The following HECTD2 variants were observed in gnomAD, a reference collection of about 807,000 sequenced individuals.
HECTD2 encodes the protein probable E3 ubiquitin-protein ligase HECTD2.
HECTD2 carries 35 observed loss-of-function variants against 103.2 expected under a neutral mutation model. That is an observed-to-expected ratio of 0.34 (90% CI 0.26 to 0.45). The LOEUF is 0.45. Among genes scored for constraint, HECTD2 ranks in the 20% least tolerant of loss-of-function variants. The probability of loss-of-function intolerance (pLI) is 1.00; values close to 1 mark genes in which losing one functional copy is unlikely to be tolerated. For synonymous variants in HECTD2, 281 were observed against 329.9 expected, an observed-to-expected ratio of 0.85 and a Z score of 1.61; for missense variants, 596 against 937.4, an observed-to-expected ratio of 0.64 and a Z score of 4.76.
rs1426344840 is a variant in HECTD2 at position 91,512,325 on chromosome 10, G to C, written c.2272G>C (p.Asp758His). 1 of 1,613,420 alleles carries C rather than the reference G, an allele frequency of 6.2e-7. No individual in the cohort carries two copies. The highest frequency in any genetic ancestry group is 8.5e-7 in the Non-Finnish European group (1 of 1,179,694). The change falls in exon 21 of 21, where the codon GAT becomes CAT. Residue 758 changes from aspartate to histidine, a missense_variant. Physicochemically the swap from Asp to His is moderately conservative, Grantham distance 81. This residue lies in a region of HECTD2 where 69 missense variants were observed against 153.8 expected (regional missense o/e 0.45). Transcript: ENST00000298068. ...LCLPPYKSKK[D>H]LKQKLIIGIS... ...CCTTCCCCCCTACAAGAGCAAAAAG[G>C]ATCTGAAACAGAAATTGATCATTGG...
intron 20 of HECTD2, among the ~76,000 whole-genome samples, chr10:91,508,804 G>T (rs1001275804): frequency 2.0e-5 from 3 of 151,872 alleles, no homozygotes; most frequent in African/African-American, 7.3e-5. Flanking sequence ...AAATCATGCT[G>T]CTATAAAGAC....
In HECTD2 at chr10:91,513,432, T is replaced by TA. The variant is rs1338180970; in HGVS notation, c.*1053dup. 6.6e-6 allele frequency: 1 copy of TA among 152,624 alleles called. No individual in the cohort carries two copies. Among genetic ancestry groups the TA allele is most frequent in the Non-Finnish European group, 1.5e-5 (1 of 68,022 alleles). The allele number at this position is 152,624 out of a possible 1,614,324, so 9.5% of individuals were successfully genotyped here. ...TGTGTCAAAATGATATAGCTTAGTA[T>TA]AAAAATAAAATTCAACGTTTTGGCC... On this transcript the variant is annotated 3_prime_UTR_variant, in exon 21 of 21. Coordinates refer to ENST00000298068, the MANE Select transcript of HECTD2 (RefSeq NM_182765.6).
intron 8 of HECTD2, among the ~76,000 whole-genome samples, chr10:91,483,830 G>T (rs1846176470): frequency 6.6e-6 from 1 of 151,760 alleles, no homozygotes; most frequent in Non-Finnish European, 1.5e-5. Flanking sequence ...TCATTTAATA[G>T]AAGTCATTGA....
intron 1 of HECTD2, among the ~76,000 whole-genome samples, chr10:91,422,225 G>C (rs922200041): frequency 5.9e-5 from 9 of 152,018 alleles, no homozygotes; most frequent in Non-Finnish European, 1.2e-4. Context: ...GTCATATCTT[G>C]CTGGACCATT....
chr10:91,504,066 C>T (rs1290692762), intron 20 of HECTD2, among the ~76,000 whole-genome samples: 1 of 152,124 alleles, frequency 6.6e-6, no homozygotes, highest in African/African-American at 2.4e-5. Context: ...ACCTGAGGGT[C>T]CTGTCTGTTA....
intron 2 of HECTD2, among the ~76,000 whole-genome samples, chr10:91,454,780 T>C (rs939826002): frequency 1.9e-4 from 29 of 152,050 alleles, no homozygotes; most frequent in African/African-American, 6.8e-4. Context: ...CCAAGTGTTC[T>C]CATTGTTCAA....
intron 5 of HECTD2, among the ~76,000 whole-genome samples, chr10:91,472,974 T>G (rs756500942): frequency 6.6e-6 from 1 of 152,142 alleles, no homozygotes; most frequent in Non-Finnish European, 1.5e-5. Flanking sequence ...ACTATAAAAA[T>G]AATAAAGATG....
intron 20 of HECTD2, among the ~76,000 whole-genome samples, chr10:91,503,238 A>ATTG (rs1402194631): frequency 1.3e-5 from 2 of 152,204 alleles, no homozygotes; most frequent in African/African-American, 4.8e-5. Context: ...CAGAATGGCT[A>ATTG]TTGTTATATT....
intron 2 of HECTD2, among the ~76,000 whole-genome samples, chr10:91,451,940 A>G (rs1244102065): frequency 6.6e-6 from 1 of 152,138 alleles, no homozygotes; most frequent in Non-Finnish European, 1.5e-5. Context: ...CTTAAAATCT[A>G]TAAGATATTA....
At chr10:91,464,973 A>G (rs184662173) in intron 5 of HECTD2, among the ~76,000 whole-genome samples, 32 of 152,290 alleles carry the variant, frequency 2.1e-4, no homozygotes, top group African/African-American at 7.0e-4. Context: ...AATGAACACT[A>G]TAACCATATT....
At chr10:91,416,344 GATT>G (rs1843126779) in intron 1 of HECTD2, among the ~76,000 whole-genome samples, 1 of 152,210 alleles carries the variant, frequency 6.6e-6, no homozygotes, top group Non-Finnish European at 1.5e-5. Context: ...TGTTAGATGA[GATT>G]ATTAAAGTCG....
chr10:91,469,758 A>G (rs1845658161), intron 5 of HECTD2, among the ~76,000 whole-genome samples: 2 of 152,204 alleles, frequency 1.3e-5, no homozygotes, highest in Non-Finnish European at 2.9e-5. Flanking sequence ...CTAAATGTCT[A>G]CTTAAAAGGC....
chr10:91,420,292 AAAAG>A (rs1229861931), intron 1 of HECTD2, among the ~76,000 whole-genome samples: 1 of 151,992 alleles, frequency 6.6e-6, no homozygotes, highest in African/African-American at 2.4e-5. Context: ...AAAAAAAAAA[AAAAG>A]AAAATCAGGC....
At position 91,460,574 on chromosome 10, in the gene HECTD2, C is replaced by T; in HGVS notation, c.407+9C>T. ...ACTGTGAAAGACTTTCAGTAAGTTT[C>T]AGCTATTATATGTAAATGTATAGTC... is the stretch of plus-strand genomic sequence containing the variant. On this transcript the variant is annotated intron_variant, in intron 3 of 20. Coordinates refer to ENST00000298068, the MANE Select transcript of HECTD2 (RefSeq NM_182765.6). The T allele has an allele frequency of 6.2e-7, 1 of 1,604,564 alleles. No individual in the cohort carries two copies. Among genetic ancestry groups the T allele is most frequent in the Non-Finnish European group, 8.5e-7 (1 of 1,176,596 alleles).
intron 2 of HECTD2, among the ~76,000 whole-genome samples, chr10:91,451,159 G>A (rs1844806208): frequency 6.6e-6 from 1 of 152,150 alleles, no homozygotes; most frequent in African/African-American, 2.4e-5. Context: ...AAGAAAGTAT[G>A]GCACATATGC....
chr10:91,466,714 A>C (rs557464813), intron 5 of HECTD2, among the ~76,000 whole-genome samples: 1 of 152,282 alleles, frequency 6.6e-6, no homozygotes, highest in East Asian at 1.9e-4. Context: ...CCTGCACACA[A>C]ATGGTTACAA....
rs1376099749 is a variant in HECTD2 at position 91,427,022 on chromosome 10, G to A, written c.268+1612G>A. On this transcript the variant is annotated intron_variant, in intron 2 of 20. Coordinates refer to ENST00000298068, the MANE Select transcript of HECTD2 (RefSeq NM_182765.6). ...CCCCTCCCCCCACCCCACAACAGTC[G>A]CCAGAGTGTGATGTTCCCCTTCCTG... Among the ~76,000 whole-genome samples, 13 of 106,498 alleles carry A rather than the reference G, an allele frequency of 1.2e-4. No homozygotes were observed. In the South Asian group the frequency reaches 3.2e-3, roughly 26 times the overall value. 69.9% of individuals were successfully genotyped at this position (106,498 alleles called of 152,430 possible). A position where few individuals can be genotyped will look rare whatever the true frequency, so the allele number is the denominator to read the frequency against.
intron 8 of HECTD2, 50 bp downstream of exon 8, chr10:91,483,126 T>A (rs1846152726): frequency 3.9e-6 from 3 of 765,980 alleles, no homozygotes; most frequent in Non-Finnish European, 6.5e-6. Context: ...CAGTTTTAAG[T>A]TTGGTATTAG....
At chr10:91,497,562 G>A (rs1165319333) in intron 15 of HECTD2, among the ~76,000 whole-genome samples, 1 of 147,460 alleles carries the variant, frequency 6.8e-6, no homozygotes, top group Non-Finnish European at 1.5e-5. Context: ...GCCCACCTCG[G>A]CCTCCCAGAG....
Sources: allele counts gnomAD v4.1 joint callset (sites outside exome capture counted in the v4.1 genomes callset), GRCh38; gene constraint gnomAD v4.1.1; regional missense constraint gnomAD v4.1.1; transcripts MANE v1.5; gene names NCBI Gene and HGNC (gene_info 2026-07-23, HGNC 2026-07-21).